Variants in CLGN observed in about 807,000 individuals in gnomAD.
CLGN encodes calmegin.
Under a neutral mutation model 79.1 loss-of-function variants are expected in CLGN, and 62 were observed. The ratio of observed to expected loss-of-function variants is 0.78; its 90% CI spans 0.64 to 0.97. The LOEUF is 0.97. Ranked by LOEUF, CLGN falls within the 50% of genes least tolerant of loss-of-function variation. The pLI is 0.00. For missense variants in CLGN, 647 were observed against 715.5 expected (o/e 0.90, Z 1.09); for synonymous variants, 225 against 224.7 (o/e 1.00, Z -0.01).
chr4:140,396,891 G>GTATATATA (rs746057984), intron 8 of CLGN, among the ~76,000 whole-genome samples: 4 of 53,664 alleles, frequency 7.5e-5, no homozygotes, highest in Non-Finnish European at 1.6e-4. Context: ...ATATATATAT[G>GTATATATA]TATATATATA....
intron 14 of CLGN, 122 bp downstream of exon 14, chr4:140,390,506 G>T: frequency 1.9e-6 from 1 of 533,966 alleles, no homozygotes; most frequent in South Asian, 3.1e-5. Context: ...ACAATATAGA[G>T]GCTCTTATAA....
chr4:140,404,144 A>G (rs1005057517), intron 5 of CLGN, among the ~76,000 whole-genome samples: 2 of 151,608 alleles, frequency 1.3e-5, no homozygotes, highest in Non-Finnish European at 2.9e-5. Flanking sequence ...CCCAGGCTGG[A>G]GTGCAGTGGC....
At chr4:140,415,401 C>CTGGCAAAT (rs1729308712) in intron 1 of CLGN, among the ~76,000 whole-genome samples, 1 of 151,044 alleles carries the variant, frequency 6.6e-6, no homozygotes, top group South Asian at 2.1e-4. Context: ...AAGACACAGA[C>CTGGCAAAT]TGGCAAATTG....
intron 3 of CLGN, 70 bp downstream of exon 3, chr4:140,410,483 T>G (rs1560745372): frequency 9.1e-7 from 1 of 1,098,952 alleles, no homozygotes; most frequent in Non-Finnish European, 1.4e-6. Flanking sequence ...ATAATTTTCA[T>G]AGGCCAAAAC....
chr4:140,396,360 C>T (rs913039993), intron 8 of CLGN, among the ~76,000 whole-genome samples, 155 bp from the exon 9 acceptor site: 1 of 152,130 alleles, frequency 6.6e-6, no homozygotes, highest in Non-Finnish European at 1.5e-5. Flanking sequence ...TGCTAACTTG[C>T]CAATTTTTGG....
At position 140,398,843 on chromosome 4, in the gene CLGN, T is replaced by C; in HGVS notation, c.884+8A>G. On this transcript the variant is annotated splice_region_variant and intron_variant, in intron 8 of 14. Transcript: ENST00000325617. Reference sequence around the variant, plus strand: ...AGATAATGCTTTGCTACCGAATTATTTGCTTACCAGTCTTCTGGTTTGACG... The same window carrying C: ...AGATAATGCTTTGCTACCGAATTATCTGCTTACCAGTCTTCTGGTTTGACG... 1 of 1,612,448 alleles carries C rather than the reference T, an allele frequency of 6.2e-7. No homozygotes were observed. Among genetic ancestry groups the C allele is most frequent in the South Asian group, 1.1e-5 (1 of 90,874 alleles).
intron 8 of CLGN, 150 bp from the exon 9 acceptor site, chr4:140,396,355 A>C: frequency 2.9e-6 from 2 of 700,380 alleles, no homozygotes; most frequent in South Asian, 3.7e-5. Flanking sequence ...TCTTTTGCTA[A>C]CTTGCCAATT....
chr4:140,399,066 T>A (rs1433247482), intron 7 of CLGN, 26 bp from the exon 8 acceptor site: 1 of 1,554,242 alleles, frequency 6.4e-7, no homozygotes, highest in Non-Finnish European at 8.7e-7. Context: ...AAATAAATTA[T>A]AGTTATCATT....
chr4:140,398,633 T>G (rs1220469363), intron 8 of CLGN, among the ~76,000 whole-genome samples: 6 of 151,798 alleles, frequency 4.0e-5, no homozygotes, highest in African/African-American at 1.5e-4. Context: ...AAAATAAATA[T>G]ATATTAAAAA....
Position 140,410,553 on chromosome 4 carries a change from C to T in CLGN, c.218G>A (p.Gly73Glu). 1 of 1,592,182 alleles carries T rather than the reference C, an allele frequency of 6.3e-7. No individual in the cohort carries two copies. The highest frequency in any genetic ancestry group is 8.6e-7 in the Non-Finnish European group (1 of 1,160,804). The change falls in exon 3 of 15, where the codon GGA (glycine) becomes GAA (glutamate). Residue 73 changes from glycine (G) to glutamate (E), a missense_variant and splice_region_variant. Transcript: ENST00000325617. ...AACATTCTCTTGAATGAATACTCAC[C>T]CAGCCAACCTTCCACTATCAAAAGT... The part of the protein sequence containing the change: ...AETFDSGRLA[G>E]WVLSKAKKDD...
chr4:140,393,079 C>T (rs1216872182), intron 11 of CLGN, among the ~76,000 whole-genome samples: 1 of 151,974 alleles, frequency 6.6e-6, no homozygotes, highest in Non-Finnish European at 1.5e-5. Flanking sequence ...TCATTCTGTA[C>T]TTTTAAAGAA....
rs1175140436 is a variant in CLGN, at chr4:140,405,419, C to A, written c.419+523G>T. 4.0e-5 allele frequency among the ~76,000 whole-genome samples: 6 copies of A among 150,404 alleles called. No individual in the cohort carries two copies. The Middle Eastern group carries it at 0.014, about 346-fold the overall frequency. ...CAGGATGGTCTCGATCTCCTGACCT[C>A]GTGATCTGCCCGCCTCGGCCTCCCA... On this transcript the variant is annotated intron_variant, in intron 5 of 14. Coordinates refer to ENST00000325617, the MANE Select transcript of CLGN (RefSeq NM_004362.3).
At chr4:140,406,183 G>A in intron 4 of CLGN, 100 bp from the exon 5 acceptor site, 1 of 1,177,368 alleles carries the variant, frequency 8.5e-7, no homozygotes, top group Non-Finnish European at 1.2e-6. Flanking sequence ...CAGGAAGCCT[G>A]ACTTGGGAAA....
rs34215026 is a variant in CLGN at position 140,396,890 on chromosome 4, T to TATATAC, written c.885-686_885-685insGTATAT. The stretch of plus-strand genomic sequence containing the variant: ...ATATATATACATATATATATATATA[T>TATATAC]GTATATATATATATATGTATATATA... On this transcript the variant is annotated intron_variant, in intron 8 of 14. Coordinates refer to ENST00000325617, the MANE Select transcript of CLGN (RefSeq NM_004362.3). Among the ~76,000 whole-genome samples the TATATAC allele has an allele frequency of 2.1e-3, 110 of 51,488 alleles. 1 individual carries two copies. Among genetic ancestry groups the TATATAC allele is most frequent in the African/African-American group, 0.012 (106 of 8,902 alleles). 33.8% of individuals were successfully genotyped at this position (51,488 alleles called of 152,430 possible).
intron 2 of CLGN, among the ~76,000 whole-genome samples, chr4:140,411,276 G>T (rs976115629): frequency 6.6e-6 from 1 of 152,016 alleles, no homozygotes; most frequent in Non-Finnish European, 1.5e-5. Flanking sequence ...AACTGGGACA[G>T]ACAAAGTAAC....
chr4:140,421,543 C>T (rs1030612987), intron 1 of CLGN, among the ~76,000 whole-genome samples: 1 of 152,030 alleles, frequency 6.6e-6, no homozygotes, highest in African/African-American at 2.4e-5. Context: ...ATTTGCATTT[C>T]CCTGATGATT....
At position 140,396,924 on chromosome 4, in the gene CLGN, C is replaced by T. The variant is rs1206153622; in HGVS notation, c.885-719G>A. The stretch of plus-strand genomic sequence containing the variant: ...ATATATATGTATATATATATATATA[C>T]ACATATATATATATACACATAGCTT... On this transcript the variant is annotated intron_variant, in intron 8 of 14. Transcript: ENST00000325617. Among the ~76,000 whole-genome samples, 467 of 55,084 alleles carry T rather than the reference C, an allele frequency of 8.5e-3. 6 individuals are homozygous for T. The highest frequency in any genetic ancestry group is 0.01 in the African/African-American group (171 of 16,740). 36.1% of individuals were successfully genotyped at this position (55,084 alleles called of 152,430 possible).
chr4:140,398,720 AC>A, intron 8 of CLGN, 130 bp downstream of exon 8: 1 of 700,006 alleles, frequency 1.4e-6, no homozygotes, highest in Non-Finnish European at 2.3e-6. Flanking sequence ...AAAATATTTC[AC>A]CCAAAATACT....
At chr4:140,402,212 T>C (rs908746296) in intron 5 of CLGN, 146 bp from the exon 6 acceptor site, 5 of 459,664 alleles carry the variant, frequency 1.1e-5, no homozygotes, top group Non-Finnish European at 1.2e-5. Context: ...CTACAACCTA[T>C]AGGAAATAAG....
Sources: allele counts gnomAD v4.1 joint callset (sites outside exome capture counted in the v4.1 genomes callset), GRCh38; gene constraint gnomAD v4.1.1; transcripts MANE v1.5; gene names NCBI Gene and HGNC (gene_info 2026-07-23, HGNC 2026-07-21).